The following SLC22A25 variants were observed in gnomAD, a reference collection of about 807,000 sequenced individuals.
SLC22A25 encodes the protein MGI:2442751, MGI:2385316, MGI:3042283, MGI:3645714, MGI:3605624, MGI:2442750.
SLC22A25 carries 44 observed loss-of-function variants against 45.9 expected under a neutral mutation model. That is an observed-to-expected ratio of 0.96 (90% CI 0.75 to 1.23). SLC22A25 has a LOEUF of 1.23. SLC22A25 is among the 50% of genes most tolerant of loss of function. SLC22A25 has a pLI of 0.00. For missense variants in SLC22A25, 800 were observed against 666.4 expected (o/e 1.20, Z -2.21); for synonymous variants, 283 against 238.6 (o/e 1.19, Z -1.72).
At chr11:63,165,226 A>T (rs1380610857) in intron 10 of SLC22A25, among the ~76,000 whole-genome samples, 1 of 152,192 alleles carries the variant, frequency 6.6e-6, no homozygotes, top group Non-Finnish European at 1.5e-5. Flanking sequence ...CAGAGGCAGG[A>T]TTCTATCCAA....
At chr11:63,182,885 G>A (rs963807620) in intron 8 of SLC22A25, among the ~76,000 whole-genome samples, 11 of 151,954 alleles carry the variant, frequency 7.2e-5, no homozygotes, top group African/African-American at 2.4e-5. Flanking sequence ...TATTTTTCTT[G>A]TCTTCATTAA....
intron 8 of SLC22A25, among the ~76,000 whole-genome samples, chr11:63,183,241 C>T (rs2134737425): frequency 1.3e-5 from 2 of 152,166 alleles, no homozygotes; most frequent in Admixed American, 1.3e-4. Flanking sequence ...AACAGGTAGG[C>T]ACTCACTAAA....
intron 7 of SLC22A25, among the ~76,000 whole-genome samples, chr11:63,212,907 AT>A (rs2134805325): frequency 6.6e-6 from 1 of 152,162 alleles, no homozygotes; most frequent in South Asian, 2.1e-4. Flanking sequence ...TACATTGATG[AT>A]TTGTTATTCA....
rs2089752122 is a variant in SLC22A25, at chr11:63,217,686, C to T, written c.556G>A (p.Val186Ile). The change falls in exon 6 of 12, where the codon GTA becomes ATA. Residue 186 changes from valine to isoleucine, a missense_variant. By Grantham distance (29) the Val-to-Ile change is conservative (BLOSUM62 3). Coordinates refer to ENST00000306494, the MANE Select transcript of SLC22A25 (RefSeq NM_199352.6). ...GGAGCAAAGGCCGCACAGGTGCCTA[C>T]AATGGCGAGCTGGAGGTAAGACCAT... is the stretch of plus-strand genomic sequence containing the variant. Reference protein sequence around the residue: ...LRWSYLQLAIVGTCAAFAPTI... With the variant: ...LRWSYLQLAIIGTCAAFAPTI... 6.2e-7 allele frequency: 1 copy of T among 1,613,862 alleles called. No individual in the cohort carries two copies. The highest frequency in any genetic ancestry group is 8.5e-7 in the Non-Finnish European group (1 of 1,179,972).
chr11:63,209,967 C>A (rs995106376), intron 7 of SLC22A25, among the ~76,000 whole-genome samples: 4 of 152,122 alleles, frequency 2.6e-5, no homozygotes, highest in Non-Finnish European at 5.9e-5. Flanking sequence ...ATGGCTGCAG[C>A]TATATAGAAA....
intron 9 of SLC22A25, among the ~76,000 whole-genome samples, chr11:63,177,624 T>G (rs565845907): frequency 4.6e-5 from 7 of 151,850 alleles, no homozygotes; most frequent in African/African-American, 1.7e-4. Context: ...ATAAATTTTT[T>G]AGCTCTCACA....
At chr11:63,235,275 G>A (rs2090144027) in intron 3 of SLC22A25, among the ~76,000 whole-genome samples, 2 of 152,186 alleles carry the variant, frequency 1.3e-5, no homozygotes, top group South Asian at 4.1e-4. Context: ...TCACTTTCAG[G>A]TACACCAGTT....
At chr11:63,222,264 G>T (rs1055520855) in intron 5 of SLC22A25, among the ~76,000 whole-genome samples, 8 of 152,196 alleles carry the variant, frequency 5.3e-5, no homozygotes, top group African/African-American at 1.9e-4. Context: ...CCACGGACAT[G>T]AATATCTTTC....
intron 7 of SLC22A25, among the ~76,000 whole-genome samples, chr11:63,214,301 C>T (rs902526724): frequency 5.3e-5 from 8 of 152,118 alleles, no homozygotes; most frequent in Non-Finnish European, 7.3e-5. Context: ...AAATATCAGC[C>T]GCTGCCAGTA....
chr11:63,229,509 G>A lies in SLC22A25; in HGVS notation c.144C>T (p.Arg48=). 1 of 1,614,142 alleles carries A rather than the reference G, an allele frequency of 6.2e-7. No homozygotes were observed. The highest frequency in any genetic ancestry group is 1.1e-5 in the South Asian group (1 of 91,076). Residue 48 remains arginine (R), a synonymous_variant, in exon 4 of 12, where the codon CGC becomes CGT. Transcript: ENST00000306494. The part of the protein sequence containing the change: ...ENFAAFILDH[R]CWVHILDNDT... Reference sequence around the variant, plus strand: ...CATTGTCCAGTATATGAACCCAGCAGCGATGATCAAGTATGAATGCTGCGA... The same window carrying A: ...CATTGTCCAGTATATGAACCCAGCAACGATGATCAAGTATGAATGCTGCGA...
At chr11:63,203,583 T>C (rs1283648575) in intron 7 of SLC22A25, among the ~76,000 whole-genome samples, 1 of 151,524 alleles carries the variant, frequency 6.6e-6, no homozygotes, top group African/African-American at 2.4e-5. Flanking sequence ...CTTAATGAAA[T>C]AAGGTGTGAA....
chr11:63,222,790 T>C (rs1027236607), intron 5 of SLC22A25, among the ~76,000 whole-genome samples: 1 of 136,884 alleles, frequency 7.3e-6, no homozygotes, highest in African/African-American at 2.8e-5. Context: ...TGTTGAAGTA[T>C]GTTCCTTCTA....
At chr11:63,217,798 G>A (rs1166940130) in intron 5 of SLC22A25, 63 bp from the exon 6 acceptor site, 1 of 1,528,404 alleles carries the variant, frequency 6.5e-7, no homozygotes, top group East Asian at 2.3e-5. Context: ...TGTTAGCAAA[G>A]GGAAAGCACA....
At chr11:63,199,920 C>T (rs771924409) in intron 7 of SLC22A25, among the ~76,000 whole-genome samples, 5 of 151,948 alleles carry the variant, frequency 3.3e-5, no homozygotes, top group Non-Finnish European at 7.4e-5. Flanking sequence ...GCCAGACACC[C>T]AATCTTGCAA....
intron 5 of SLC22A25, among the ~76,000 whole-genome samples, chr11:63,220,723 C>A (rs968158006): frequency 6.6e-6 from 1 of 152,092 alleles, no homozygotes; most frequent in Non-Finnish European, 1.5e-5. Context: ...TCATTCTTTC[C>A]ATTTTTTTGT....
chr11:63,232,619 C>G (rs546513307), intron 3 of SLC22A25, among the ~76,000 whole-genome samples: 2 of 152,116 alleles, frequency 1.3e-5, no homozygotes, highest in Admixed American at 6.5e-5. Context: ...ATTGAATTCC[C>G]TTTATTCCCT....
intron 7 of SLC22A25, among the ~76,000 whole-genome samples, chr11:63,199,127 A>C (rs1204761311): frequency 6.6e-6 from 1 of 151,912 alleles, no homozygotes; most frequent in East Asian, 1.9e-4. Flanking sequence ...TTTTTTGAAA[A>C]AATTAATAAT....
chr11:63,206,548 A>G (rs185919332), intron 7 of SLC22A25, among the ~76,000 whole-genome samples: 282 of 152,380 alleles, frequency 1.9e-3, no homozygotes, highest in African/African-American at 6.4e-3. Flanking sequence ...TGCTACAAAG[A>G]GAATAAAATA....
At chr11:63,166,303 C>G in intron 9 of SLC22A25, 45 bp from the exon 10 acceptor site, 1 of 1,597,956 alleles carries the variant, frequency 6.3e-7, no homozygotes, top group Non-Finnish European at 8.5e-7. Context: ...TCTGTGGAAC[C>G]TAAATCCTAC....
Sources: gnomAD v4.1 joint callset for allele counts (sites outside exome capture counted in the v4.1 genomes callset) on GRCh38, gnomAD v4.1.1 for gene constraint, MANE v1.5 for transcripts, NCBI Gene and HGNC (gene_info 2026-07-23, HGNC 2026-07-21) for gene names.